The following ATP2C1 variants were observed in gnomAD, a reference collection of about 807,000 sequenced individuals.
ATP2C1 encodes ATPase secretory pathway Ca2+ transporting 1.
A neutral mutation model predicts 120.5 loss-of-function variants in ATP2C1; 31 were observed. The observed-to-expected ratio is 0.26, with a 90% CI of 0.19 to 0.35. ATP2C1 has a LOEUF of 0.35. ATP2C1 is among the 10% of genes least tolerant of loss of function. The pLI, the probability that ATP2C1 is intolerant of heterozygous loss-of-function variation, is 1.00. For synonymous variants in ATP2C1, 351 were observed against 358.7 expected (o/e 0.98, Z 0.24); for missense variants, 731 against 1,107.5 (o/e 0.66, Z 4.83).
intron 2 of ATP2C1, among the ~76,000 whole-genome samples, chr3:130,903,700 CCCTTTCCTTTCCTTT>C (rs145176420): frequency 2.2e-4 from 30 of 138,610 alleles, no homozygotes; most frequent in Admixed American, 1.1e-3. Context: ...TTCCCCTTTC[CCCTTTCCTTTCCTTT>C]CCTTTCCTTT....
chr3:130,974,383 C>G (rs1442305724), intron 17 of ATP2C1, among the ~76,000 whole-genome samples: 1 of 152,182 alleles, frequency 6.6e-6, no homozygotes, highest in East Asian at 1.9e-4. Context: ...TGAGCACACA[C>G]TGTCACAGCA....
At chr3:130,926,049 A>G (rs1014895416) in intron 2 of ATP2C1, among the ~76,000 whole-genome samples, 1 of 152,154 alleles carries the variant, frequency 6.6e-6, no homozygotes, top group South Asian at 2.1e-4. Context: ...CCCAGACCAC[A>G]AGCCTCCCCC....
At chr3:130,980,509 T>C (rs927685238) in intron 19 of ATP2C1, 73 bp from the exon 20 acceptor site, 1 of 1,004,458 alleles carries the variant, frequency 1.0e-6, no homozygotes, top group African/African-American at 1.6e-5. Flanking sequence ...TCATACTAAA[T>C]GAGCATTACG....
chr3:130,913,923 C>T (rs2058563242), intron 2 of ATP2C1, among the ~76,000 whole-genome samples: 1 of 152,004 alleles, frequency 6.6e-6, no homozygotes, highest in Non-Finnish European at 1.5e-5. Flanking sequence ...TCTTTAATTT[C>T]CCTATCTAAA....
In ATP2C1 at chr3:130,941,666, G is replaced by A. The variant is rs764315605; in HGVS notation, c.498G>A (p.Gly166=). 1.2e-6 allele frequency: 2 copies of A among 1,613,984 alleles called. No individual in the cohort carries two copies. Among genetic ancestry groups the A allele is most frequent in the Non-Finnish European group, 1.7e-6 (2 of 1,179,988 alleles). ...GTGATACAGTTTGCCTTTCTGTTGG[G>A]GATAGAGTTCCTGCTGACTTACGCT... ...VPGDTVCLSV[G]DRVPADLRLF... is the part of the protein sequence containing the mutation. The change falls in exon 8 of 28, where the codon GGG becomes GGA. Residue 166 remains glycine (G), a synonymous_variant. Transcript: ENST00000510168.
intron 8 of ATP2C1, among the ~76,000 whole-genome samples, chr3:130,943,724 CTTAT>C (rs1661562824): frequency 6.6e-6 from 1 of 152,034 alleles, no homozygotes; most frequent in South Asian, 2.1e-4. Flanking sequence ...TTAATTCTGC[CTTAT>C]TTGTTTTGCC....
At chr3:130,915,889 C>T (rs73200253) in intron 2 of ATP2C1, among the ~76,000 whole-genome samples, 65 of 152,224 alleles carry the variant, frequency 4.3e-4, no homozygotes, top group African/African-American at 1.2e-3. Context: ...TAGCCTGAGG[C>T]GTTCTGAGTC....
intron 2 of ATP2C1, among the ~76,000 whole-genome samples, chr3:130,905,362 C>A (rs1412954392): frequency 6.6e-6 from 1 of 151,956 alleles, no homozygotes; most frequent in Admixed American, 6.6e-5. Context: ...GTCTTTTTTC[C>A]TGTTCAGCCC....
chr3:131,006,635 TTGTGTGTGTGTGTG>T (rs3073260), downstream of ATP2C1, among the ~76,000 whole-genome samples: 2,651 of 147,230 alleles, frequency 0.018, 39 homozygotes, highest in Admixed American at 0.044. Context: ...TAGTGTGTGT[TTGTGTGTGTGTGTG>T]TGTGTGTGTG....
chr3:130,967,432 A>G lies in ATP2C1; in HGVS notation c.1308+13A>G. The G allele has an allele frequency of 6.2e-7, 1 of 1,609,012 alleles. No homozygotes were observed. Among genetic ancestry groups the G allele is most frequent in the Non-Finnish European group, 8.5e-7 (1 of 1,175,612 alleles). On this transcript the variant is annotated intron_variant, in intron 16 of 27. Transcript: ENST00000510168. ...TCTTGCAATGAAGGTACGTACCTAA[A>G]TTTCTCTTCTTTGACATTTGAGACA...
At chr3:130,979,098 G>A (rs1051512677) in intron 18 of ATP2C1, 151 bp from the exon 19 acceptor site, 1 of 728,126 alleles carries the variant, frequency 1.4e-6, no homozygotes, top group African/African-American at 1.8e-5. Context: ...ATAATGTTTT[G>A]GTCTGTAATC....
At chr3:130,951,797 G>T (rs1339879444) in intron 8 of ATP2C1, among the ~76,000 whole-genome samples, 1 of 152,024 alleles carries the variant, frequency 6.6e-6, no homozygotes, top group Non-Finnish European at 1.5e-5. Context: ...GTATTTTAAA[G>T]AATAATTTTT....
intron 2 of ATP2C1, among the ~76,000 whole-genome samples, chr3:130,912,267 T>G (rs1248487990): frequency 7.0e-6 from 1 of 143,020 alleles, no homozygotes; most frequent in African/African-American, 2.6e-5. Context: ...CTAATTAAAC[T>G]AAAGAGCTTC....
intron 6 of ATP2C1, among the ~76,000 whole-genome samples, chr3:130,938,861 T>G (rs1161674392): frequency 1.3e-5 from 2 of 152,236 alleles, no homozygotes; most frequent in Non-Finnish European, 2.9e-5. Context: ...TACCTTGTTC[T>G]CTTTGATCAC....
intron 1 of ATP2C1, among the ~76,000 whole-genome samples, chr3:130,872,969 A>G (rs2068484296): frequency 6.6e-6 from 1 of 152,232 alleles, no homozygotes; most frequent in Non-Finnish European, 1.5e-5. Context: ...CAGTAATGGT[A>G]TCTGAAGGTT....
intron 5 of ATP2C1, 92 bp downstream of exon 5, chr3:130,934,803 C>T (rs193146460): frequency 3.3e-5 from 29 of 883,340 alleles, no homozygotes; most frequent in African/African-American, 3.2e-4. Context: ...GAAGTGCTCT[C>T]AGATTTTTTT....
At chr3:130,915,206 G>C (rs1232267044) in intron 2 of ATP2C1, among the ~76,000 whole-genome samples, 1 of 151,346 alleles carries the variant, frequency 6.6e-6, no homozygotes, top group Admixed American at 6.6e-5. Flanking sequence ...CGATTCTCTT[G>C]TCTCAGCCTC....
In ATP2C1 at chr3:130,967,210, C is replaced by G. The variant is rs1453054062; in HGVS notation, c.1188C>G (p.Phe396Leu). 3.1e-6 allele frequency: 5 copies of G among 1,613,776 alleles called. No individual in the cohort carries two copies. The highest frequency in any genetic ancestry group is 4.2e-6 in the Non-Finnish European group (5 of 1,179,778). ...TTGATGGTGATGTTGTTCATGGATT[C>G]TATAACCCAGCTGTTAGCAGAATTG... Reference protein sequence around the residue: ...VIVDGDVVHGFYNPAVSRIVE... With the variant: ...VIVDGDVVHGLYNPAVSRIVE... Residue 396 changes from phenylalanine to leucine, a missense_variant, in exon 15 of 28, where the codon TTC becomes TTG. Physicochemically the swap from Phe to Leu is conservative, Grantham distance 22 (BLOSUM62 0). This residue lies in a region of ATP2C1 where 571 missense variants were observed against 845.9 expected (regional missense o/e 0.67). Coordinates refer to ENST00000510168, the MANE Select transcript of ATP2C1 (RefSeq NM_001378687.1).
chr3:130,897,376 C>G (rs1429328729), intron 2 of ATP2C1, among the ~76,000 whole-genome samples: 1 of 152,190 alleles, frequency 6.6e-6, no homozygotes, highest in Non-Finnish European at 1.5e-5. Context: ...TAAGCTTTCT[C>G]AGCCTCTAAG....
Sources: gnomAD v4.1 joint callset for allele counts (sites outside exome capture counted in the v4.1 genomes callset) on GRCh38, gnomAD v4.1.1 for gene constraint, gnomAD v4.1.1 regional missense constraint, MANE v1.5 for transcripts, NCBI Gene and HGNC (gene_info 2026-07-23, HGNC 2026-07-21) for gene names.